ACACA: variants seen among roughly 807,000 people sequenced by gnomAD.
ACACA encodes acetyl-CoA carboxylase 1.
A neutral mutation model predicts 296.1 loss-of-function variants in ACACA; 103 were observed. The ratio of observed to expected loss-of-function variants is 0.35; its 90% CI spans 0.30 to 0.41. The LOEUF (loss-of-function observed/expected upper bound fraction) is 0.41, where lower values mean the gene tolerates loss of function less well. Ranked by LOEUF, ACACA falls within the 10% of genes least tolerant of loss-of-function variation. The pLI is 1.00. For synonymous variants in ACACA, 953 were observed against 1,038.6 expected (o/e 0.92, Z 1.58); for missense variants, 1,554 against 2,989.7 (o/e 0.52, Z 11.20).
At chr17:37,186,906 AAAAG>A (rs922168502) in intron 39 of ACACA, among the ~76,000 whole-genome samples, 8 of 152,264 alleles carry the variant, frequency 5.3e-5, no homozygotes, top group African/African-American at 9.6e-5. Flanking sequence ...GAAAAAAAAA[AAAAG>A]AAAGAAAGTA....
chr17:37,329,087 CAGTT>C (rs1356628489), intron 3 of ACACA: 1 of 396,532 alleles, frequency 2.5e-6, no homozygotes, highest in Non-Finnish European at 4.4e-6. Flanking sequence ...CTGACATTCT[CAGTT>C]AGGGAGAACT....
intron 24 of ACACA, among the ~76,000 whole-genome samples, chr17:37,237,893 C>T (rs1483365598): frequency 6.6e-6 from 1 of 152,074 alleles, no homozygotes; most frequent in Admixed American, 6.6e-5. Flanking sequence ...TCCCAAGAAG[C>T]TAGGACTACA....
chr17:37,221,790 C>A lies in ACACA; in HGVS notation c.3617G>T (p.Arg1206Leu), dbSNP rs763968366. The change falls in exon 29 of 56, where the codon CGC (arginine) becomes CTC (leucine). Residue 1206 changes from arginine (R) to leucine (L), a missense_variant. Physicochemically the swap from Arg to Leu is moderately radical, Grantham distance 102. Transcript: ENST00000616317. The part of the protein sequence containing the change: ...IAYELNSVQH[R>L]QLKDNTCVVE... ...CACACAGGTGTTGTCCTTAAGCTGGCGGTGTTGTACGCTGTTAAGTTCATA... is the reference window on the plus strand; with the variant it reads ...CACACAGGTGTTGTCCTTAAGCTGGAGGTGTTGTACGCTGTTAAGTTCATA... 6.2e-7 allele frequency: 1 copy of A among 1,614,136 alleles called. No individual in the cohort carries two copies. Among genetic ancestry groups the A allele is most frequent in the East Asian group, 2.2e-5 (1 of 44,878 alleles).
rs907992324 is a variant in ACACA, at chr17:37,348,739, A to G, written c.39-8889T>C. Among the ~76,000 whole-genome samples, 17 of 152,058 alleles carry G rather than the reference A, an allele frequency of 1.1e-4. No homozygotes were observed. The South Asian group carries it at 3.5e-3, about 32-fold the overall frequency. ...CACTTTGGGAGGCAGAGACGGGCGG[A>G]TCACGAGATCAGGAGATTGAGACCA... On this transcript the variant is annotated intron_variant, in intron 1 of 55. Coordinates refer to ENST00000616317, the MANE Select transcript of ACACA (RefSeq NM_198834.3).
At chr17:37,287,756 C>CAAA (rs35341859) in intron 3 of ACACA, among the ~76,000 whole-genome samples, 2 of 123,394 alleles carry the variant, frequency 1.6e-5, no homozygotes, top group Non-Finnish European at 3.5e-5. Context: ...AACAAAAAGA[C>CAAA]AAAAAAAAAA....
chr17:37,374,511 T>C (rs560070632), intron 1 of ACACA, among the ~76,000 whole-genome samples: 1 of 152,188 alleles, frequency 6.6e-6, no homozygotes, highest in Non-Finnish European at 1.5e-5. Flanking sequence ...GGTCTCGAAC[T>C]CCCGACCTCA....
intron 1 of ACACA, among the ~76,000 whole-genome samples, chr17:37,390,140 G>GTATATATATATATATATA (rs1243535532): frequency 2.9e-5 from 1 of 34,626 alleles, no homozygotes; most frequent in Non-Finnish European, 4.7e-5. Flanking sequence ...AAAAAAAAAA[G>GTATATATATATATATATA]TATATATATA....
At chr17:37,223,939 C>T (rs1324854368) in intron 27 of ACACA, among the ~76,000 whole-genome samples, 1 of 152,222 alleles carries the variant, frequency 6.6e-6, no homozygotes, top group African/African-American at 2.4e-5. Context: ...TGGTGGCTCA[C>T]ACCTATAATC....
At chr17:37,245,328 A>T in intron 19 of ACACA, 114 bp from the exon 20 acceptor site, 1 of 1,080,162 alleles carries the variant, frequency 9.3e-7, no homozygotes, top group Admixed American at 1.9e-5. Flanking sequence ...AATTTGACCA[A>T]GAAAAAATGG....
At chr17:37,377,397 A>G (rs1009183813) in intron 1 of ACACA, among the ~76,000 whole-genome samples, 1 of 151,986 alleles carries the variant, frequency 6.6e-6, no homozygotes, top group African/African-American at 2.4e-5. Flanking sequence ...GGTGGCTCAC[A>G]CCTGTCATCC....
At chr17:37,186,774 G>C (rs2077550781) in intron 39 of ACACA, among the ~76,000 whole-genome samples, 1 of 151,954 alleles carries the variant, frequency 6.6e-6, no homozygotes. Flanking sequence ...GATGCTTATT[G>C]TGTGCTTATT....
chr17:37,202,398 G>A (rs1431669290), intron 33 of ACACA, among the ~76,000 whole-genome samples: 2 of 151,884 alleles, frequency 1.3e-5, no homozygotes, highest in South Asian at 2.1e-4. Context: ...ATCAGCACCT[G>A]GAGAAACTCC....
intron 54 of ACACA, among the ~76,000 whole-genome samples, chr17:37,091,174 A>G (rs1310414078): frequency 2.6e-5 from 4 of 152,220 alleles, no homozygotes; most frequent in African/African-American, 9.6e-5. Context: ...TACACTGGAA[A>G]GCCAGCTACC....
At chr17:37,394,359 C>G (rs528692402) in intron 1 of ACACA, among the ~76,000 whole-genome samples, 1 of 151,768 alleles carries the variant, frequency 6.6e-6, no homozygotes, top group Non-Finnish European at 1.5e-5. Context: ...TACAGGCATG[C>G]GCCACCACAC....
chr17:37,312,854 C>T (rs2147025459), intron 3 of ACACA, among the ~76,000 whole-genome samples: 1 of 151,972 alleles, frequency 6.6e-6, no homozygotes, highest in Non-Finnish European at 1.5e-5. Context: ...TAGCAAGACC[C>T]CATCTCTACA....
chr17:37,347,448 C>G (rs1356542085), intron 1 of ACACA, among the ~76,000 whole-genome samples: 1 of 152,080 alleles, frequency 6.6e-6, no homozygotes, highest in African/African-American at 2.4e-5. Flanking sequence ...CACACACTAC[C>G]ACACCCAGCT....
intron 47 of ACACA, 151 bp from the exon 48 acceptor site, chr17:37,125,945 T>C (rs2074763149): frequency 2.8e-6 from 2 of 706,418 alleles, no homozygotes; most frequent in African/African-American, 3.5e-5. Flanking sequence ...ATTAGGCAGC[T>C]GAATGTTCAT....
chr17:37,389,359 G>T, intron 1 of ACACA: 1 of 1,577,714 alleles, frequency 6.3e-7, no homozygotes, highest in Non-Finnish European at 8.6e-7. Context: ...CTCAGCCCCA[G>T]AAGGAAAGTG....
At chr17:37,355,941 G>A (rs1048203945) in intron 1 of ACACA, among the ~76,000 whole-genome samples, 15 of 151,922 alleles carry the variant, frequency 9.9e-5, no homozygotes, top group African/African-American at 3.6e-4. Context: ...AGATGAGGAG[G>A]GCGGACCACC....
Sources: allele counts gnomAD v4.1 joint callset (sites outside exome capture counted in the v4.1 genomes callset), GRCh38; gene constraint gnomAD v4.1.1; transcripts MANE v1.5; gene names NCBI Gene and HGNC (gene_info 2026-07-23, HGNC 2026-07-21).